Variants in CSMD1 observed in about 807,000 individuals in gnomAD.
CSMD1 encodes CUB and Sushi multiple domains 1.
Under a neutral mutation model 417.5 loss-of-function variants are expected in CSMD1, and 213 were observed. The observed-to-expected ratio is 0.51, with a 90% confidence interval of 0.46 to 0.57. The LOEUF is 0.57. Ranked by LOEUF, CSMD1 falls within the 20% of genes least tolerant of loss-of-function variation. The pLI, the probability that CSMD1 is intolerant of heterozygous loss-of-function variation, is 0.00. For missense variants in CSMD1, 6,923 were observed against 4,529.7 expected (o/e 1.53, Z -15.17); for synonymous variants, 2,862 against 1,736.8 (o/e 1.65, Z -16.11).
At chr8:4,360,006 G>T (rs946705408) in intron 3 of CSMD1, among the ~76,000 whole-genome samples, 3 of 152,192 alleles carry the variant, frequency 2.0e-5, no homozygotes, top group Non-Finnish European at 4.4e-5. Context: ...CATCCCAGTT[G>T]TGGAGTTCCA....
chr8:4,447,876 G>A (rs994179693), intron 2 of CSMD1, among the ~76,000 whole-genome samples: 15 of 152,180 alleles, frequency 9.9e-5, no homozygotes, highest in South Asian at 2.1e-4. Flanking sequence ...GAGGCTCGAC[G>A]AATGTACAAT....
At chr8:3,414,239 A>T (rs936035437) in intron 12 of CSMD1, among the ~76,000 whole-genome samples, 1 of 135,634 alleles carries the variant, frequency 7.4e-6, no homozygotes, top group Non-Finnish European at 1.6e-5. Context: ...AAAAAAAAAA[A>T]TGCTGTACAA....
At chr8:4,106,811 T>C (rs1342978822) in intron 3 of CSMD1, among the ~76,000 whole-genome samples, 1 of 152,064 alleles carries the variant, frequency 6.6e-6, no homozygotes, top group Non-Finnish European at 1.5e-5. Context: ...AGAGCTCAGG[T>C]CTACACCAGC....
At chr8:4,406,005 GC>G (rs1804992319) in intron 3 of CSMD1, among the ~76,000 whole-genome samples, 1 of 152,170 alleles carries the variant, frequency 6.6e-6, no homozygotes, top group Non-Finnish European at 1.5e-5. Flanking sequence ...GAGTGAGAGG[GC>G]AATTCATTCA....
chr8:3,354,857 C>CTA (rs1289490649), intron 21 of CSMD1, among the ~76,000 whole-genome samples: 1 of 58,342 alleles, frequency 1.7e-5, no homozygotes, highest in East Asian at 6.7e-4. Context: ...AACCCTCTCC[C>CTA]TATATATAGA....
intron 38 of CSMD1, among the ~76,000 whole-genome samples, chr8:3,161,346 G>T (rs190202827): frequency 2.2e-4 from 34 of 152,242 alleles, no homozygotes; most frequent in Admixed American, 1.2e-3. Context: ...GCTGGACACA[G>T]TAGCTCACAC....
chr8:3,162,433 C>G (rs1819956143), intron 37 of CSMD1, among the ~76,000 whole-genome samples, 156 bp from the exon 38 acceptor site: 1 of 152,114 alleles, frequency 6.6e-6, no homozygotes, highest in African/African-American at 2.4e-5. Flanking sequence ...ACTTTGAGTA[C>G]CTTTAAATCA....
At chr8:3,988,759 G>A (rs1018703770) in intron 5 of CSMD1, among the ~76,000 whole-genome samples, 1 of 152,172 alleles carries the variant, frequency 6.6e-6, no homozygotes, top group African/African-American at 2.4e-5. Flanking sequence ...TACAAAAACA[G>A]CCCTGAATGT....
intron 3 of CSMD1, among the ~76,000 whole-genome samples, chr8:4,039,491 G>C (rs1050439806): frequency 2.0e-5 from 3 of 152,100 alleles, no homozygotes; most frequent in Admixed American, 6.6e-5. Flanking sequence ...CTCTGAATGC[G>C]AGCCAATCTG....
chr8:3,655,880 T>C (rs140710389), intron 7 of CSMD1, among the ~76,000 whole-genome samples: 3,530 of 152,162 alleles, frequency 0.023, 66 homozygotes, highest in Middle Eastern at 0.037. Flanking sequence ...TTGGAAAGAA[T>C]AGAACATGCA....
intron 3 of CSMD1, among the ~76,000 whole-genome samples, chr8:4,053,068 T>G (rs1453448695): frequency 1.3e-5 from 2 of 152,228 alleles, no homozygotes; most frequent in East Asian, 3.9e-4. Flanking sequence ...GGAGGCTGTG[T>G]GCTGAAAGGA....
intron 5 of CSMD1, among the ~76,000 whole-genome samples, chr8:3,920,964 G>C (rs1032067466): frequency 2.0e-5 from 3 of 152,128 alleles, no homozygotes; most frequent in Non-Finnish European, 4.4e-5. Flanking sequence ...GATATGACAT[G>C]AGGGTACTGC....
At chr8:3,482,662 T>G (rs1016432816) in intron 11 of CSMD1, among the ~76,000 whole-genome samples, 2 of 152,154 alleles carry the variant, frequency 1.3e-5, no homozygotes, top group African/African-American at 4.8e-5. Context: ...TATGGAACTC[T>G]CAACTCAATA....
rs28360716 is a variant in CSMD1, at chr8:3,051,383, A to C, written c.7660+1079T>G. 4.4e-3 allele frequency among the ~76,000 whole-genome samples: 666 copies of C among 152,302 alleles called. 7 individuals carry two copies. Among genetic ancestry groups the C allele is most frequent in the African/African-American group, 0.015 (625 of 41,570 alleles). On this transcript the variant is annotated intron_variant, in intron 50 of 69. Transcript: ENST00000635120. ...GCACATTTTCTCTCCTGTAAGTGGG[A>C]GCTAAACATTGAGTCCACACAGACA...
At chr8:3,645,841 T>C (rs1016681650) in intron 7 of CSMD1, among the ~76,000 whole-genome samples, 4 of 152,188 alleles carry the variant, frequency 2.6e-5, no homozygotes, top group African/African-American at 9.7e-5. Flanking sequence ...GAAGAATCAC[T>C]CCATTGTTTA....
At chr8:2,973,369 T>A (rs1804629710) in intron 56 of CSMD1, 70 bp from the exon 57 acceptor site, 1 of 1,441,758 alleles carries the variant, frequency 6.9e-7, no homozygotes, top group Admixed American at 2.0e-5. Context: ...TTGTCACACT[T>A]AAAGATAATG....
At chr8:4,429,969 C>T (rs529235554) in intron 2 of CSMD1, among the ~76,000 whole-genome samples, 2 of 152,272 alleles carry the variant, frequency 1.3e-5, no homozygotes, top group South Asian at 4.1e-4. Flanking sequence ...GGGGAGAATC[C>T]ACTGGAAGCT....
chr8:4,110,143 T>C lies in CSMD1; in HGVS notation c.416-78044A>G, dbSNP rs539854750. On this transcript the variant is annotated intron_variant, in intron 3 of 69. Transcript: ENST00000635120. ...GGAAAAGTGTCTTAGAATAATAAGG[T>C]TTAAATATGCAAATCTGCCATTTCA... Among the ~76,000 whole-genome samples, 8 of 152,176 alleles carry C rather than the reference T, an allele frequency of 5.3e-5. No homozygotes were observed. In the South Asian group the frequency reaches 1.5e-3, roughly 28 times the overall value.
chr8:3,432,546 T>G (rs930373796), intron 12 of CSMD1, among the ~76,000 whole-genome samples: 1 of 149,824 alleles, frequency 6.7e-6, no homozygotes, highest in African/African-American at 2.5e-5. Context: ...AGTCTCACTT[T>G]GTCACCAGGC....
Sources: allele counts gnomAD v4.1 joint callset (sites outside exome capture counted in the v4.1 genomes callset), GRCh38; gene constraint gnomAD v4.1.1; transcripts MANE v1.5; gene names NCBI Gene and HGNC (gene_info 2026-07-23, HGNC 2026-07-21).